Variants in CCSER2 observed in about 807,000 individuals in gnomAD.
The protein encoded by CCSER2 is serine-rich coiled-coil domain-containing protein 2.
A neutral mutation model predicts 92.3 loss-of-function variants in CCSER2; 46 were observed. The ratio of observed to expected loss-of-function variants is 0.50; its 90% CI spans 0.39 to 0.64. The LOEUF is 0.64. Ranked by LOEUF, CCSER2 falls within the 30% of genes least tolerant of loss-of-function variation. The pLI is 0.00. For missense variants in CCSER2, 1,244 were observed against 1,238.9 expected (o/e 1.00, Z -0.06); for synonymous variants, 433 against 431.4 (o/e 1.00, Z -0.04).
chr10:84,355,127 TAAATC>T (rs749631716), intron 1 of CCSER2, among the ~76,000 whole-genome samples: 2 of 152,102 alleles, frequency 1.3e-5, no homozygotes. Flanking sequence ...CCTGCGTACT[TAAATC>T]AAAGTGACTT....
intron 1 of CCSER2, among the ~76,000 whole-genome samples, 178 bp downstream of exon 1, chr10:84,328,986 G>T (rs1370718908): frequency 6.6e-6 from 1 of 151,752 alleles, no homozygotes; most frequent in Non-Finnish European, 1.5e-5. Flanking sequence ...GCGAGCCGCC[G>T]GACGCGGGGC....
At chr10:84,473,274 G>A (rs1346296265) in intron 8 of CCSER2, 1 of 151,762 alleles carries the variant, frequency 6.6e-6, no homozygotes, top group Non-Finnish European at 1.5e-5. Flanking sequence ...GGGAAGCTGT[G>A]GTGTATTCAG....
chr10:84,465,690 C>T (rs146655653), intron 7 of CCSER2, among the ~76,000 whole-genome samples: 1 of 151,788 alleles, frequency 6.6e-6, no homozygotes, highest in Non-Finnish European at 1.5e-5. Flanking sequence ...TATCTTTACT[C>T]TTTTCCAGTG....
chr10:84,432,231 TTTTTA>T (rs1245101673), intron 5 of CCSER2, among the ~76,000 whole-genome samples: 2 of 152,216 alleles, frequency 1.3e-5, no homozygotes, highest in African/African-American at 4.8e-5. Context: ...TCTTTGCTTA[TTTTTA>T]TTTTATTTTT....
intron 6 of CCSER2, among the ~76,000 whole-genome samples, chr10:84,460,813 G>A (rs183973500): frequency 3.9e-4 from 59 of 152,214 alleles, no homozygotes; most frequent in African/African-American, 1.4e-3. Flanking sequence ...TGAGATGTCT[G>A]TAATGATATT....
intron 9 of CCSER2, among the ~76,000 whole-genome samples, chr10:84,493,054 C>G (rs1414771552): frequency 6.6e-6 from 1 of 152,090 alleles, no homozygotes; most frequent in Non-Finnish European, 1.5e-5. Flanking sequence ...CTTCTTTAAA[C>G]ATTTAGTAGA....
At chr10:84,505,369 C>G (rs1285491394) in intron 9 of CCSER2, among the ~76,000 whole-genome samples, 2 of 152,026 alleles carry the variant, frequency 1.3e-5, no homozygotes, top group Non-Finnish European at 2.9e-5. Flanking sequence ...AGGGTATACA[C>G]TTTCTAAGGC....
intron 3 of CCSER2, among the ~76,000 whole-genome samples, chr10:84,415,042 T>C (rs1842827588): frequency 6.6e-6 from 1 of 152,168 alleles, no homozygotes; most frequent in African/African-American, 2.4e-5. Context: ...GACTATCAGC[T>C]CCTGTGTTGT....
intron 3 of CCSER2, among the ~76,000 whole-genome samples, chr10:84,409,767 A>G (rs190332623): frequency 7.8e-4 from 118 of 152,208 alleles, no homozygotes; most frequent in Non-Finnish European, 2.2e-4. Context: ...TTCGACTTTT[A>G]TTTAAGTTTA....
intron 1 of CCSER2, among the ~76,000 whole-genome samples, chr10:84,351,248 T>A (rs1388598244): frequency 6.6e-6 from 1 of 152,028 alleles, no homozygotes; most frequent in Admixed American, 6.5e-5. Flanking sequence ...TTTTTGTTTT[T>A]TTTTTCCTTT....
Position 84,517,127 on chromosome 10 carries a change from A to G in CCSER2, c.*2860A>G, listed in dbSNP as rs183204868. The G allele has an allele frequency of 4.6e-5, 7 of 152,354 alleles. No individual in the cohort carries two copies. The highest frequency in any genetic ancestry group is 2.6e-4 in the Admixed American group (4 of 15,310). 9.4% of individuals were successfully genotyped at this position (152,354 alleles called of 1,614,324 possible). ...TATTGTCTTAGTTCTAGTGGTATCA[A>G]TGAAGATAGTTACAGTATATGAATT... On this transcript the variant is annotated 3_prime_UTR_variant, in exon 10 of 10. Transcript: ENST00000372088.
intron 6 of CCSER2, among the ~76,000 whole-genome samples, chr10:84,442,515 A>G (rs1216413720): frequency 1.3e-5 from 2 of 152,196 alleles, no homozygotes; most frequent in Non-Finnish European, 2.9e-5. Flanking sequence ...CTCCAGAGGG[A>G]TATGCTCTAA....
intron 9 of CCSER2, among the ~76,000 whole-genome samples, chr10:84,492,968 G>A (rs1054267582): frequency 3.3e-5 from 5 of 151,986 alleles, no homozygotes; most frequent in Non-Finnish European, 2.9e-5. Flanking sequence ...GTTAAACCTG[G>A]CCTCATAAAT....
At chr10:84,356,690 T>TA (rs1845191404) in intron 1 of CCSER2, among the ~76,000 whole-genome samples, 1 of 152,298 alleles carries the variant, frequency 6.6e-6, no homozygotes, top group African/African-American at 2.4e-5. Context: ...TTAGGGTTAG[T>TA]AACCCAATAT....
chr10:84,378,299 G>A (rs993737287), intron 3 of CCSER2, among the ~76,000 whole-genome samples: 12 of 151,852 alleles, frequency 7.9e-5, no homozygotes, highest in African/African-American at 2.9e-4. Flanking sequence ...AGATTGCATG[G>A]CTTGATTTTC....
At chr10:84,339,878 G>A (rs1844075755) in intron 1 of CCSER2, among the ~76,000 whole-genome samples, 1 of 151,802 alleles carries the variant, frequency 6.6e-6, no homozygotes, top group Non-Finnish European at 1.5e-5. Flanking sequence ...TTTCACTCTT[G>A]TCGCCCAGTC....
chr10:84,510,308 G>A (rs1199229055), intron 9 of CCSER2, among the ~76,000 whole-genome samples: 3 of 152,084 alleles, frequency 2.0e-5, no homozygotes, highest in African/African-American at 7.2e-5. Context: ...AGGGCAGATT[G>A]TTCGCGGTTC....
intron 1 of CCSER2, among the ~76,000 whole-genome samples, chr10:84,336,844 G>A (rs1346286063): frequency 6.9e-6 from 1 of 144,610 alleles, no homozygotes. Flanking sequence ...TCCTAAGTGG[G>A]AGATGATGAT....
chr10:84,441,736 GTTTTTTTTTTTTTTTTTTTTTTTTTTT>G (rs869280119), intron 6 of CCSER2, among the ~76,000 whole-genome samples: 3 of 43,598 alleles, frequency 6.9e-5, no homozygotes, highest in East Asian at 1.1e-3. Flanking sequence ...CTGGGAAAAT[GTTTTTTTTTTTTTTTTTTTTTTTTTTT>G]TTTTTTTTTT....
Sources: gnomAD v4.1 joint callset for allele counts (sites outside exome capture counted in the v4.1 genomes callset) on GRCh38, gnomAD v4.1.1 for gene constraint, MANE v1.5 for transcripts, NCBI Gene and HGNC (gene_info 2026-07-23, HGNC 2026-07-21) for gene names.